Variants in PPARGC1A observed in about 807,000 individuals in gnomAD.
PPARGC1A encodes the protein PPARG coactivator 1 alpha, also known as peroxisome proliferator-activated receptor gamma coactivator 1-alpha.
A neutral mutation model predicts 88.7 loss-of-function variants in PPARGC1A; 25 were observed. That is an observed-to-expected ratio of 0.28 (90% confidence interval 0.21 to 0.39). PPARGC1A has a LOEUF of 0.39. PPARGC1A is among the 10% of genes least tolerant of loss of function. The pLI, the probability that PPARGC1A is intolerant of heterozygous loss-of-function variation, is 1.00. For synonymous variants in PPARGC1A, 363 were observed against 355.6 expected (o/e 1.02, Z -0.24); for missense variants, 880 against 968.7 (o/e 0.91, Z 1.22).
At chr4:24,325,565 G>C in the PPARGC1A span, among the ~76,000 whole-genome samples, 4 of 152,136 alleles carry the variant, frequency 2.6e-5, no homozygotes, top group African/African-American at 9.7e-5. Flanking sequence ...ATCTGTGCGG[G>C]ACCCCACTGG....
At chr4:24,325,450 G>A in the PPARGC1A span, among the ~76,000 whole-genome samples, 3 of 152,200 alleles carry the variant, frequency 2.0e-5, no homozygotes, top group South Asian at 2.1e-4. Flanking sequence ...GGGGCCAGGT[G>A]TTCCTCTAGA....
At chr4:24,325,256 G>T in the PPARGC1A span, among the ~76,000 whole-genome samples, 1 of 151,912 alleles carries the variant, frequency 6.6e-6, no homozygotes. Flanking sequence ...TACCCAATCT[G>T]CTCCCGACAT....
At chr4:23,822,105 T>A (rs1723107914) in intron 7 of PPARGC1A, among the ~76,000 whole-genome samples, 1 of 152,130 alleles carries the variant, frequency 6.6e-6, no homozygotes, top group Non-Finnish European at 1.5e-5. Context: ...TGGAGGAAAC[T>A]GAGGTGTACA....
At chr4:24,200,354 T>C in the PPARGC1A span, among the ~76,000 whole-genome samples, 1 of 151,798 alleles carries the variant, frequency 6.6e-6, no homozygotes, top group African/African-American at 2.4e-5. Context: ...CTACTAGAAA[T>C]ACAAAAATTA....
chr4:24,294,238 A>C, the PPARGC1A span, among the ~76,000 whole-genome samples: 6 of 152,198 alleles, frequency 3.9e-5, no homozygotes, highest in Admixed American at 2.6e-4. Flanking sequence ...TTAATGTGAT[A>C]CTGCCATCAC....
the PPARGC1A span, among the ~76,000 whole-genome samples, chr4:24,157,266 A>C: frequency 2.0e-5 from 3 of 152,222 alleles, no homozygotes; most frequent in South Asian, 6.2e-4. Flanking sequence ...ACTGCTCTGC[A>C]GTTAAGATTC....
At chr4:24,385,324 T>C in the PPARGC1A span, among the ~76,000 whole-genome samples, 1 of 151,968 alleles carries the variant, frequency 6.6e-6, no homozygotes, top group Non-Finnish European at 1.5e-5. Flanking sequence ...AATATCACAA[T>C]TGAAAGAACT....
intron 8 of PPARGC1A, 109 bp downstream of exon 8, chr4:23,813,581 T>G (rs1721348874): frequency 4.1e-6 from 4 of 985,638 alleles, no homozygotes; most frequent in Middle Eastern, 6.5e-4. Context: ...AGAATTGCAG[T>G]GGTCAGGGGC....
At chr4:23,999,579 C>CA in the PPARGC1A span, among the ~76,000 whole-genome samples, 1 of 152,132 alleles carries the variant, frequency 6.6e-6, no homozygotes, top group Non-Finnish European at 1.5e-5. Context: ...GAAGCGAAGC[C>CA]AAAAGAAGTT....
the PPARGC1A span, among the ~76,000 whole-genome samples, chr4:24,144,860 G>C: frequency 6.6e-6 from 1 of 151,676 alleles, no homozygotes; most frequent in South Asian, 2.1e-4. Flanking sequence ...GTGGTATTTT[G>C]GTATTTTGTA....
intron 10 of PPARGC1A, among the ~76,000 whole-genome samples, chr4:23,807,919 C>CCG (rs1293610386): frequency 4.6e-5 from 7 of 152,016 alleles, no homozygotes; most frequent in African/African-American, 1.7e-4. Flanking sequence ...CACAATATAA[C>CCG]ATATACTCAC....
chr4:24,424,922 A>G, the PPARGC1A span, among the ~76,000 whole-genome samples: 1 of 152,208 alleles, frequency 6.6e-6, no homozygotes, highest in Non-Finnish European at 1.5e-5. Context: ...CTTTGAAACT[A>G]CAGGGGTTCC....
At chr4:24,137,418 G>A in the PPARGC1A span, among the ~76,000 whole-genome samples, 9 of 152,060 alleles carry the variant, frequency 5.9e-5, no homozygotes, top group Non-Finnish European at 1.2e-4. Context: ...ACTAAGACAG[G>A]GCATTAGGAA....
the PPARGC1A span, among the ~76,000 whole-genome samples, chr4:24,375,028 A>AAAAT: frequency 6.6e-6 from 1 of 151,672 alleles, no homozygotes; most frequent in Non-Finnish European, 1.5e-5. Flanking sequence ...AAAAAAAAAA[A>AAAAT]AGAAACCTGT....
chr4:24,333,588 A>G, the PPARGC1A span, among the ~76,000 whole-genome samples: 2 of 152,202 alleles, frequency 1.3e-5, no homozygotes, highest in African/African-American at 4.8e-5. Flanking sequence ...CAAACTCTTG[A>G]GCCTCTAGTC....
chr4:23,830,029 G>A (rs894787967), intron 3 of PPARGC1A, among the ~76,000 whole-genome samples: 3 of 152,080 alleles, frequency 2.0e-5, no homozygotes, highest in Non-Finnish European at 4.4e-5. Context: ...ACTACTAGGT[G>A]AGAAAAGCTG....
the PPARGC1A span, among the ~76,000 whole-genome samples, chr4:24,417,494 C>T: frequency 2.0e-5 from 3 of 152,326 alleles, no homozygotes; most frequent in African/African-American, 7.2e-5. Context: ...AATTTCACAA[C>T]CTCTCTGGGT....
At chr4:24,425,424 A>T in the PPARGC1A span, among the ~76,000 whole-genome samples, 1 of 152,226 alleles carries the variant, frequency 6.6e-6, no homozygotes. Flanking sequence ...GGTATAATTT[A>T]TCCACCATTA....
chr4:24,109,010 ACACACACAC>A, the PPARGC1A span, among the ~76,000 whole-genome samples: 5 of 150,228 alleles, frequency 3.3e-5, no homozygotes, highest in African/African-American at 1.2e-4. Context: ...ACACACACAC[ACACACACAC>A]CACACACACA....
Sources: allele counts gnomAD v4.1 joint callset (sites outside exome capture counted in the v4.1 genomes callset), GRCh38; gene constraint gnomAD v4.1.1; transcripts MANE v1.5; gene names NCBI Gene and HGNC (gene_info 2026-07-23, HGNC 2026-07-21).